The following DOCK1 variants were observed in gnomAD, a reference collection of about 807,000 sequenced individuals.
DOCK1 encodes the protein dedicator of cytokinesis 1, also known as dedicator of cytokinesis protein 1.
Under a neutral mutation model 262.7 loss-of-function variants are expected in DOCK1, and 138 were observed. The observed-to-expected ratio is 0.53, with a 90% CI of 0.46 to 0.61. The LOEUF (loss-of-function observed/expected upper bound fraction) is 0.61, where lower values mean the gene tolerates loss of function less well. Among genes scored for constraint, DOCK1 ranks in the 20% least tolerant of loss-of-function variants. The pLI, the probability that DOCK1 is intolerant of heterozygous loss-of-function variation, is 0.00. For missense variants in DOCK1, 1,908 were observed against 2,370.7 expected (o/e 0.80, Z 4.05); for synonymous variants, 866 against 867.4 (o/e 1.00, Z 0.03).
intron 26 of DOCK1, among the ~76,000 whole-genome samples, chr10:127,126,086 C>CTTTTTT (rs11307702): frequency 7.4e-6 from 1 of 135,326 alleles, no homozygotes; most frequent in African/African-American, 2.7e-5. Context: ...TACCCTATTC[C>CTTTTTT]TTTTTTTTTT....
chr10:127,077,256 G>A (rs189075708), intron 23 of DOCK1, among the ~76,000 whole-genome samples: 14 of 152,170 alleles, frequency 9.2e-5, no homozygotes, highest in Admixed American at 5.2e-4. Context: ...TTAGCTGGGC[G>A]TGGTGGTGGG....
chr10:127,225,849 C>G (rs1024583547), intron 27 of DOCK1, among the ~76,000 whole-genome samples: 1 of 152,064 alleles, frequency 6.6e-6, no homozygotes, highest in South Asian at 2.1e-4. Context: ...GAGGCCGAGG[C>G]AGGTGAATCA....
intron 25 of DOCK1, among the ~76,000 whole-genome samples, chr10:127,116,172 G>C (rs1041904459): frequency 2.0e-5 from 3 of 152,132 alleles, no homozygotes; most frequent in Non-Finnish European, 2.9e-5. Context: ...ATGGGAAAGA[G>C]GCCATTCCCT....
intron 1 of DOCK1, among the ~76,000 whole-genome samples, chr10:126,940,065 G>A (rs2034872974): frequency 6.6e-6 from 1 of 152,142 alleles, no homozygotes; most frequent in Non-Finnish European, 1.5e-5. Context: ...CCTCTCTAGT[G>A]CCTTTCCAAC....
At chr10:127,441,313 TC>T (rs1353982038) in intron 49 of DOCK1, among the ~76,000 whole-genome samples, 1 of 152,148 alleles carries the variant, frequency 6.6e-6, no homozygotes. Flanking sequence ...GAGGGCTGCC[TC>T]CCCACGGCTG....
At chr10:127,378,601 C>T (rs190710314) in intron 35 of DOCK1, among the ~76,000 whole-genome samples, 3 of 152,172 alleles carry the variant, frequency 2.0e-5, no homozygotes, top group South Asian at 2.1e-4. Context: ...GAAGACATTT[C>T]GTATCTCCGA....
intron 27 of DOCK1, among the ~76,000 whole-genome samples, chr10:127,201,037 T>G (rs1402963024): frequency 6.6e-6 from 1 of 152,224 alleles, no homozygotes; most frequent in African/African-American, 2.4e-5. Context: ...CAGCCAGTGC[T>G]CAACGCCTAC....
At chr10:127,308,201 T>C (rs773696184) in intron 29 of DOCK1, among the ~76,000 whole-genome samples, 15 of 152,206 alleles carry the variant, frequency 9.9e-5, no homozygotes, top group Non-Finnish European at 1.9e-4. Flanking sequence ...CTCCTGTCAG[T>C]CCTTACGAGT....
chr10:126,979,569 T>G (rs2038798546), intron 3 of DOCK1, among the ~76,000 whole-genome samples: 1 of 152,164 alleles, frequency 6.6e-6, no homozygotes, highest in Admixed American at 6.5e-5. Context: ...TGTTATCACC[T>G]TCCCCAATTT....
At position 127,410,912 on chromosome 10, in the gene DOCK1, C is replaced by T. The variant is rs761487030; in HGVS notation, c.4416C>T (p.Asp1472=). The T allele has an allele frequency of 1.2e-6, 2 of 1,613,490 alleles. No homozygotes were observed. The stretch of plus-strand genomic sequence containing the variant: ...TCCGGAAGGGAGAGAAAAACCCAGA[C>T]AATGAATTTGCGGTAAAAAACAAAC... ...RPIRKGEKNP[D]NEFANMWIER... is the part of the protein sequence containing the mutation. Residue 1472 remains aspartate, a synonymous_variant, in exon 43 of 52, where the codon GAC becomes GAT. Coordinates refer to ENST00000623213, the MANE Select transcript of DOCK1 (RefSeq NM_001290223.2).
chr10:127,278,046 G>A (rs116675798), intron 29 of DOCK1, among the ~76,000 whole-genome samples: 1,603 of 151,638 alleles, frequency 0.011, 39 homozygotes, highest in African/African-American at 0.037. Flanking sequence ...TAATCCATGC[G>A]CACACGCTTC....
At chr10:127,283,211 C>T (rs1037062914) in intron 29 of DOCK1, among the ~76,000 whole-genome samples, 12 of 152,370 alleles carry the variant, frequency 7.9e-5, no homozygotes, top group African/African-American at 2.9e-4. Flanking sequence ...TGTGCTTCCA[C>T]ACCCTCACTC....
intron 27 of DOCK1, among the ~76,000 whole-genome samples, chr10:127,162,418 T>G (rs776223772): frequency 6.6e-6 from 1 of 152,210 alleles, no homozygotes; most frequent in Non-Finnish European, 1.5e-5. Context: ...CCATATAGAT[T>G]AAAGGATTTT....
At chr10:127,392,662 G>A (rs1250685373) in intron 38 of DOCK1, among the ~76,000 whole-genome samples, 2 of 152,216 alleles carry the variant, frequency 1.3e-5, no homozygotes, top group Admixed American at 6.5e-5. Flanking sequence ...CCTTATTTGG[G>A]GCATATTTTG....
chr10:127,234,425 C>T (rs942098401), intron 27 of DOCK1, among the ~76,000 whole-genome samples: 9 of 152,080 alleles, frequency 5.9e-5, no homozygotes, highest in African/African-American at 2.2e-4. Flanking sequence ...TAAAAAAGCA[C>T]TCCCTCCAAA....
At chr10:127,211,733 C>T (rs914998878) in intron 27 of DOCK1, among the ~76,000 whole-genome samples, 4 of 152,268 alleles carry the variant, frequency 2.6e-5, no homozygotes, top group Admixed American at 1.3e-4. Flanking sequence ...AAAGTGAAGA[C>T]GTCATGACAG....
chr10:127,415,502 A>G (rs1447815758), intron 44 of DOCK1, among the ~76,000 whole-genome samples: 2 of 152,206 alleles, frequency 1.3e-5, no homozygotes, highest in Non-Finnish European at 2.9e-5. Context: ...CTTACAATGT[A>G]TTTAAATTCA....
intron 27 of DOCK1, among the ~76,000 whole-genome samples, chr10:127,210,488 C>T (rs1358233496): frequency 1.3e-5 from 2 of 152,228 alleles, no homozygotes; most frequent in Non-Finnish European, 2.9e-5. Flanking sequence ...GAATAACTCT[C>T]AGGCTGAGCC....
intron 49 of DOCK1, 158 bp downstream of exon 49, chr10:127,439,383 C>T (rs2069921857): frequency 1.4e-6 from 1 of 731,784 alleles, no homozygotes; most frequent in African/African-American, 1.8e-5. Flanking sequence ...CTCAAATGTC[C>T]CAAGGCAGTA....
Sources: allele counts gnomAD v4.1 joint callset (sites outside exome capture counted in the v4.1 genomes callset), GRCh38; gene constraint gnomAD v4.1.1; transcripts MANE v1.5; gene names NCBI Gene and HGNC (gene_info 2026-07-23, HGNC 2026-07-21).